The following PLSCR2 variants were observed in gnomAD, a reference collection of about 807,000 sequenced individuals.
PLSCR2 encodes the protein PL scramblase 2.
A neutral mutation model predicts 25.3 loss-of-function variants in PLSCR2; 18 were observed. The ratio of observed to expected loss-of-function variants is 0.71; its 90% CI spans 0.49 to 1.06. The LOEUF is 1.06. Ranked by LOEUF, PLSCR2 falls within the 50% of genes least tolerant of loss-of-function variation. The probability of loss-of-function intolerance (pLI) is 0.00; values close to 1 mark genes in which losing one functional copy is unlikely to be tolerated. For synonymous variants in PLSCR2, 88 were observed against 87.3 expected, an observed-to-expected ratio of 1.01 and a Z score of -0.04; for missense variants, 243 against 269.5, an observed-to-expected ratio of 0.90 and a Z score of 0.69.
At chr3:146,403,867 A>G (rs2038562085) in intron 2 of PLSCR2, among the ~76,000 whole-genome samples, 2 of 152,204 alleles carry the variant, frequency 1.3e-5, no homozygotes, top group Admixed American at 6.5e-5. Flanking sequence ...TTAATATGTC[A>G]GTACAATTCT....
chr3:146,462,935 G>C (rs2041683577), upstream of PLSCR2, among the ~76,000 whole-genome samples: 3 of 151,998 alleles, frequency 2.0e-5, no homozygotes, highest in South Asian at 6.2e-4. Context: ...TCTGGGCTTG[G>C]GCTCCAGGAA....
chr3:146,428,814 A>G (rs949671247), downstream of PLSCR2, among the ~76,000 whole-genome samples: 1 of 152,224 alleles, frequency 6.6e-6, no homozygotes, highest in African/African-American at 2.4e-5. Context: ...GAGGATAATC[A>G]ATATTCATCA....
chr3:146,447,367 C>T (rs531728326), intron 6 of PLSCR2, among the ~76,000 whole-genome samples: 3 of 152,166 alleles, frequency 2.0e-5, no homozygotes, highest in South Asian at 2.1e-4. Context: ...GCCTGGCTAT[C>T]AATAGGACAG....
rs114914763 is a variant in PLSCR2 at position 146,408,300 on chromosome 3, G to T, written c.101-12379C>A. Among the ~76,000 whole-genome samples the T allele has an allele frequency of 7.7e-3, 1,165 of 152,196 alleles. 16 individuals carry two copies. The highest frequency in any genetic ancestry group is 0.027 in the African/African-American group (1,106 of 41,524). On this transcript the variant is annotated intron_variant and NMD_transcript_variant, in intron 2 of 3. Coordinates refer to the PLSCR2 transcript ENST00000463633. ...TTTTAGCAACTCCTTGGCTTTCGTGGACAAACAGGTGAAACGGCTTTGAGA... is the reference window on the plus strand; with the variant it reads ...TTTTAGCAACTCCTTGGCTTTCGTGTACAAACAGGTGAAACGGCTTTGAGA...
chr3:146,489,361 C>T (rs1405706226), intron 1 of PLSCR2, among the ~76,000 whole-genome samples: 1 of 151,922 alleles, frequency 6.6e-6, no homozygotes, highest in African/African-American at 2.4e-5. Flanking sequence ...TGTGGGGAAA[C>T]GTTATTTCTT....
At chr3:146,417,478 T>C (rs1221083837) in intron 2 of PLSCR2, among the ~76,000 whole-genome samples, 1 of 152,088 alleles carries the variant, frequency 6.6e-6, no homozygotes, top group African/African-American at 2.4e-5. Context: ...CCAAAGATAT[T>C]GACTATGAAA....
downstream of PLSCR2, among the ~76,000 whole-genome samples, chr3:146,439,420 C>T (rs1333666320): frequency 9.2e-5 from 14 of 152,272 alleles, no homozygotes; most frequent in East Asian, 3.9e-4. Flanking sequence ...ACCAATCAGA[C>T]GTGGATTTGG....
rs575319116 is a variant in PLSCR2 at position 146,403,881 on chromosome 3, C to T, written c.101-7960G>A. The stretch of plus-strand genomic sequence containing the variant: ...ATTAATATGTCAGTACAATTCTTTG[C>T]CTTCTACTTTTAAACTTAACTTCCT... On this transcript the variant is annotated intron_variant and NMD_transcript_variant, in intron 2 of 3. Coordinates refer to the PLSCR2 transcript ENST00000463633. 2.6e-5 allele frequency among the ~76,000 whole-genome samples: 4 copies of T among 152,184 alleles called. No individual in the cohort carries two copies. The East Asian group carries it at 7.7e-4, about 29-fold the overall frequency.
chr3:146,457,617 C>A (rs1343655105), intron 3 of PLSCR2, among the ~76,000 whole-genome samples: 1 of 152,188 alleles, frequency 6.6e-6, no homozygotes. Flanking sequence ...TGGGAAGGAA[C>A]AGCAATTTTC....
chr3:146,427,893 T>C (rs2039412263), intron 2 of PLSCR2, among the ~76,000 whole-genome samples: 1 of 152,214 alleles, frequency 6.6e-6, no homozygotes, highest in Non-Finnish European at 1.5e-5. Flanking sequence ...TATTTATTAA[T>C]TGACTGATAA....
At chr3:146,407,875 G>T (rs1576572016) in intron 2 of PLSCR2, among the ~76,000 whole-genome samples, 1 of 152,270 alleles carries the variant, frequency 6.6e-6, no homozygotes, top group Admixed American at 6.5e-5. Flanking sequence ...TGTGAACACA[G>T]TGGCATCCAC....
chr3:146,465,231 C>T (rs2041808148), upstream of PLSCR2, among the ~76,000 whole-genome samples: 1 of 152,148 alleles, frequency 6.6e-6, no homozygotes, highest in South Asian at 2.1e-4. Flanking sequence ...ACTGACTATT[C>T]TGCAATGCCG....
At chr3:146,408,875 T>C (rs2038746114) in intron 2 of PLSCR2, among the ~76,000 whole-genome samples, 1 of 152,216 alleles carries the variant, frequency 6.6e-6, no homozygotes, top group South Asian at 2.1e-4. Flanking sequence ...CTTAAGGAAT[T>C]TGGGTCTCAG....
chr3:146,413,400 C>T (rs2108048917), intron 2 of PLSCR2, among the ~76,000 whole-genome samples: 1 of 152,272 alleles, frequency 6.6e-6, no homozygotes, highest in African/African-American at 2.4e-5. Context: ...TTCTGTTTCT[C>T]TTTTAATTAT....
chr3:146,479,762 C>A (rs185967594), intron 1 of PLSCR2, among the ~76,000 whole-genome samples: 47 of 152,312 alleles, frequency 3.1e-4, no homozygotes, highest in Non-Finnish European at 1.3e-4. Flanking sequence ...GAACTCTCCA[C>A]CCCAAATCAG....
At chr3:146,408,266 C>T (rs984899404) in intron 2 of PLSCR2, among the ~76,000 whole-genome samples, 1 of 152,100 alleles carries the variant, frequency 6.6e-6, no homozygotes, top group Admixed American at 6.6e-5. Context: ...AGTCTGGAGT[C>T]TCGAGCCTTT....
downstream of PLSCR2, among the ~76,000 whole-genome samples, chr3:146,430,077 G>A (rs1373402521): frequency 6.6e-6 from 1 of 152,144 alleles, no homozygotes; most frequent in Non-Finnish European, 1.5e-5. Flanking sequence ...GGGAGGCAAA[G>A]TATAAAAATT....
downstream of PLSCR2, among the ~76,000 whole-genome samples, chr3:146,437,324 T>C (rs972203869): frequency 6.6e-6 from 1 of 152,196 alleles, no homozygotes; most frequent in Non-Finnish European, 1.5e-5. Flanking sequence ...TCTTTTTCTA[T>C]TGATTGCAAT....
chr3:146,416,771 T>G (rs2039016709), intron 2 of PLSCR2, among the ~76,000 whole-genome samples: 1 of 152,242 alleles, frequency 6.6e-6, no homozygotes, highest in Non-Finnish European at 1.5e-5. Flanking sequence ...AAATTGTTTT[T>G]AATATATGTG....
Sources: gnomAD v4.1 joint callset for allele counts (sites outside exome capture counted in the v4.1 genomes callset) on GRCh38, gnomAD v4.1.1 for gene constraint, MANE v1.5 for transcripts, NCBI Gene and HGNC (gene_info 2026-07-23, HGNC 2026-07-21) for gene names.